Variants in FHIP1A observed in about 807,000 individuals in gnomAD.
The protein encoded by FHIP1A is FHF complex subunit HOOK interacting protein 1A, also known as FHF complex subunit HOOK-interacting protein 1A.
In FHIP1A, 61 loss-of-function variants were observed where a neutral mutation model predicts 88.6. The observed-to-expected ratio is 0.69, with a 90% CI of 0.56 to 0.85. The LOEUF is 0.85. Ranked by LOEUF, FHIP1A falls within the 40% of genes least tolerant of loss-of-function variation. The pLI is 0.00. For missense variants in FHIP1A, 1,154 were observed against 1,273.5 expected (o/e 0.91, Z 1.43); for synonymous variants, 478 against 496.0 (o/e 0.96, Z 0.48).
At chr4:151,646,399 TAAGGAGTG>T (rs1736793201) in intron 9 of FHIP1A, among the ~76,000 whole-genome samples, 151 bp from the exon 10 acceptor site, 1 of 152,176 alleles carries the variant, frequency 6.6e-6, no homozygotes, top group East Asian at 1.9e-4. Flanking sequence ...GAAATTAAGC[TAAGGAGTG>T]AACCCTGGTG....
chr4:151,552,216 C>A (rs13141684), intron 3 of FHIP1A, among the ~76,000 whole-genome samples: 148,168 of 152,324 alleles, frequency 0.97, 72,084 homozygotes, highest in East Asian at 1. Context: ...GAATGCTTTT[C>A]CACTGTTGGT....
chr4:151,538,073 CA>C (rs1732137493), intron 3 of FHIP1A, among the ~76,000 whole-genome samples: 1 of 152,148 alleles, frequency 6.6e-6, no homozygotes, highest in African/African-American at 2.4e-5. Context: ...GAGTCAGAAG[CA>C]GCAAACTTTG....
rs547235582 is a variant in FHIP1A, at chr4:151,521,716, T to C, written c.-123+39068T>C. 7.9e-5 allele frequency among the ~76,000 whole-genome samples: 12 copies of C among 151,758 alleles called. No homozygotes were observed. The South Asian group carries it at 2.5e-3, about 32-fold the overall frequency. ...ATGTATGTATGTATGTATGTATGTA[T>C]GTATGTATTTTTTTATTTATTTATT... On this transcript the variant is annotated intron_variant, in intron 3 of 13. Transcript: ENST00000435205.
At chr4:151,574,994 C>T (rs1578770662) in intron 4 of FHIP1A, among the ~76,000 whole-genome samples, 2 of 152,010 alleles carry the variant, frequency 1.3e-5, no homozygotes, top group Admixed American at 1.3e-4. Context: ...TCCCCAAAGT[C>T]AGATTAACAA....
intron 1 of FHIP1A, among the ~76,000 whole-genome samples, chr4:151,438,693 G>A (rs550693790): frequency 6.6e-6 from 1 of 150,526 alleles, no homozygotes; most frequent in East Asian, 2.0e-4. Context: ...CCAGGCTGGA[G>A]TGCGGTGGCA....
intron 3 of FHIP1A, among the ~76,000 whole-genome samples, chr4:151,554,355 A>G (rs1732863730): frequency 6.6e-6 from 1 of 152,158 alleles, no homozygotes; most frequent in African/African-American, 2.4e-5. Context: ...CACACTGCAC[A>G]TCTTGGGCTC....
chr4:151,626,201 T>C (rs1377202945), intron 7 of FHIP1A, among the ~76,000 whole-genome samples: 1 of 152,238 alleles, frequency 6.6e-6, no homozygotes, highest in Non-Finnish European at 1.5e-5. Flanking sequence ...TAATATTTTC[T>C]ATTGGAATCT....
chr4:151,587,270 A>G (rs1734254962), intron 6 of FHIP1A, among the ~76,000 whole-genome samples: 1 of 152,180 alleles, frequency 6.6e-6, no homozygotes, highest in Non-Finnish European at 1.5e-5. Flanking sequence ...CACAAATTAA[A>G]TTCTCTTTGA....
chr4:151,633,662 G>A (rs1736239107), intron 8 of FHIP1A, among the ~76,000 whole-genome samples: 1 of 151,844 alleles, frequency 6.6e-6, no homozygotes, highest in Non-Finnish European at 1.5e-5. Flanking sequence ...ATGAAAGTCA[G>A]TCAGTGTAAT....
rs544906031 is a variant in FHIP1A at position 151,422,549 on chromosome 4, G to T, written c.-356+13084G>T. Among the ~76,000 whole-genome samples the T allele has an allele frequency of 9.2e-5, 14 of 152,180 alleles. No individual in the cohort carries two copies. In the East Asian group the frequency reaches 2.5e-3, roughly 27 times the overall value. On this transcript the variant is annotated intron_variant, in intron 1 of 13. Transcript: ENST00000435205. ...CTACAGGCACAAGCCACCACGTCCAGCTAATTTTAATATTTCTTTTTAGTA... is the reference window on the plus strand; with the variant it reads ...CTACAGGCACAAGCCACCACGTCCATCTAATTTTAATATTTCTTTTTAGTA...
intron 10 of FHIP1A, among the ~76,000 whole-genome samples, chr4:151,647,266 G>A (rs1371898589): frequency 6.6e-6 from 1 of 152,176 alleles, no homozygotes; most frequent in Non-Finnish European, 1.5e-5. Flanking sequence ...GATACTTGGT[G>A]CTATTTGCCA....
chr4:151,478,554 G>A (rs980869885), intron 2 of FHIP1A, among the ~76,000 whole-genome samples: 1 of 152,062 alleles, frequency 6.6e-6, no homozygotes, highest in Non-Finnish European at 1.5e-5. Context: ...CAAGAATGCC[G>A]TATATACTTC....
intron 3 of FHIP1A, among the ~76,000 whole-genome samples, chr4:151,516,596 A>G: frequency 6.6e-6 from 1 of 152,202 alleles, no homozygotes. Flanking sequence ...AACTCAAACA[A>G]ATTTACAAGA....
intron 3 of FHIP1A, among the ~76,000 whole-genome samples, chr4:151,519,012 A>G (rs1731358075): frequency 6.6e-6 from 1 of 152,084 alleles, no homozygotes; most frequent in Non-Finnish European, 1.5e-5. Flanking sequence ...TAAATTGCAA[A>G]TATCCTCTAA....
intron 8 of FHIP1A, among the ~76,000 whole-genome samples, chr4:151,634,872 C>T (rs542792861): frequency 8.6e-5 from 13 of 151,656 alleles, no homozygotes; most frequent in African/African-American, 1.7e-4. Context: ...ACACCAGAAG[C>T]GTAGGGAAAA....
intron 11 of FHIP1A, among the ~76,000 whole-genome samples, chr4:151,654,426 T>TG (rs1205308869): frequency 6.7e-6 from 1 of 149,516 alleles, no homozygotes; most frequent in East Asian, 1.9e-4. Flanking sequence ...AGTCTGGGAC[T>TG]GGGGAAGGCA....
chr4:151,578,919 A>G (rs1733921039), intron 5 of FHIP1A, among the ~76,000 whole-genome samples: 1 of 152,202 alleles, frequency 6.6e-6, no homozygotes, highest in Non-Finnish European at 1.5e-5. Context: ...TTTCAGCTAA[A>G]AAGAAATGAG....
intron 3 of FHIP1A, among the ~76,000 whole-genome samples, chr4:151,504,307 T>G (rs140271458): frequency 0.015 from 2,346 of 152,336 alleles, 71 homozygotes; most frequent in African/African-American, 0.052. Flanking sequence ...GGCTGTGATT[T>G]AGTAATACCA....
At chr4:151,564,444 G>A (rs1490006813) in intron 3 of FHIP1A, among the ~76,000 whole-genome samples, 1 of 152,166 alleles carries the variant, frequency 6.6e-6, no homozygotes, top group Non-Finnish European at 1.5e-5. Flanking sequence ...GGCTAGTGAG[G>A]TAACCTGAAT....
Sources: allele counts gnomAD v4.1 joint callset (sites outside exome capture counted in the v4.1 genomes callset), GRCh38; gene constraint gnomAD v4.1.1; transcripts MANE v1.5; gene names NCBI Gene and HGNC (gene_info 2026-07-23, HGNC 2026-07-21).